CYB5RL: variants seen among roughly 807,000 people sequenced by gnomAD.
CYB5RL encodes the protein cytochrome b5 reductase like.
A neutral mutation model predicts 37.5 loss-of-function variants in CYB5RL; 38 were observed. The observed-to-expected ratio is 1.01, with a 90% CI of 0.78 to 1.33. The LOEUF is 1.33. CYB5RL is among the 40% of genes most tolerant of loss of function. CYB5RL has a pLI of 0.00. For missense variants in CYB5RL, 388 were observed against 394.4 expected (o/e 0.98, Z 0.14); for synonymous variants, 141 against 151.9 (o/e 0.93, Z 0.53).
At chr1:54,199,869 A>T in intron 1 of CYB5RL, 107 bp downstream of exon 1, 1 of 221,496 alleles carries the variant, frequency 4.5e-6, no homozygotes, top group Non-Finnish European at 8.9e-6. Context: ...ACTGGGCCTC[A>T]GAAAGGGAAG....
chr1:54,197,615 G>A (rs1644020868), intron 1 of CYB5RL, among the ~76,000 whole-genome samples: 2 of 152,106 alleles, frequency 1.3e-5, no homozygotes, highest in South Asian at 2.1e-4. Context: ...TGCTACCTAC[G>A]TCTACATGTA....
rs998991229 is a variant in CYB5RL at position 54,173,362 on chromosome 1, G to T, written c.*1257C>A. ...ATCCATCTGGAGCTGTCCTTTCACT[G>T]CTGCTATGCAAAGAACCCTTGCTTC... On this transcript the variant is annotated 3_prime_UTR_variant, in exon 8 of 8. Coordinates refer to ENST00000534324, the MANE Select transcript of CYB5RL (RefSeq NM_001031672.4). 1 of 152,222 alleles carries T rather than the reference G, an allele frequency of 6.6e-6. No individual in the cohort carries two copies. The highest frequency in any genetic ancestry group is 2.4e-5 in the African/African-American group (1 of 41,458). 9.4% of individuals were successfully genotyped at this position (152,222 alleles called of 1,614,324 possible). A position where few individuals can be genotyped will look rare whatever the true frequency, so the allele number is the denominator to read the frequency against.
chr1:54,181,788 C>CA (rs1177504549), intron 6 of CYB5RL, among the ~76,000 whole-genome samples: 1 of 152,070 alleles, frequency 6.6e-6, no homozygotes, highest in Non-Finnish European at 1.5e-5. Context: ...CCTGTGTCTA[C>CA]AAAAAAATAC....
chr1:54,178,982 T>A (rs1660087987), intron 7 of CYB5RL, among the ~76,000 whole-genome samples, 167 bp downstream of exon 7: 1 of 152,216 alleles, frequency 6.6e-6, no homozygotes, highest in Admixed American at 6.5e-5. Context: ...CTCATCTGTA[T>A]AATGAACATG....
At chr1:54,177,477 C>T (rs1660049081) in intron 7 of CYB5RL, among the ~76,000 whole-genome samples, 1 of 152,168 alleles carries the variant, frequency 6.6e-6, no homozygotes, top group Non-Finnish European at 1.5e-5. Context: ...CCCTGCCTGG[C>T]CTCTACCCAC....
In CYB5RL at chr1:54,184,093, C is replaced by A. The variant is rs373580796; in HGVS notation, c.540+68G>T. 8.6e-4 allele frequency: 1,200 copies of A among 1,395,672 alleles called. 19 individuals are homozygous for A. The South Asian group carries it at 0.014, about 17-fold the overall frequency. The allele number at this position is 1,395,672 out of a possible 1,614,324, so 86.5% of individuals were successfully genotyped here. Reference sequence around the variant, plus strand: ...TCAAGGAGAATGGCACAGTGAGATGCTATGGGCCGAAACATGAAAACCACA... The same window carrying A: ...TCAAGGAGAATGGCACAGTGAGATGATATGGGCCGAAACATGAAAACCACA... On this transcript the variant is annotated intron_variant, in intron 6 of 7. Coordinates refer to ENST00000534324, the MANE Select transcript of CYB5RL (RefSeq NM_001031672.4).
At chr1:54,183,813 T>C (rs1660222367) in intron 6 of CYB5RL, among the ~76,000 whole-genome samples, 2 of 151,988 alleles carry the variant, frequency 1.3e-5, no homozygotes, top group Admixed American at 6.6e-5. Flanking sequence ...CTGTATCTAC[T>C]AAAAATACAA....
At position 54,174,562 on chromosome 1, in the gene CYB5RL, T is replaced by G; in HGVS notation, c.*57A>C. On this transcript the variant is annotated 3_prime_UTR_variant, in exon 8 of 8. Transcript: ENST00000534324. ...CGTGTCTTCTGATTCCAGTCTGTGC[T>G]CCTTCCTGGGTCCCAGTAGCAGGCT... 6.5e-7 allele frequency: 1 copy of G among 1,550,326 alleles called. No individual in the cohort carries two copies. Among genetic ancestry groups the G allele is most frequent in the Non-Finnish European group, 8.7e-7 (1 of 1,144,868 alleles).
chr1:54,194,035 A>G (rs1013833050), intron 3 of CYB5RL, among the ~76,000 whole-genome samples: 3 of 148,762 alleles, frequency 2.0e-5, no homozygotes, highest in African/African-American at 7.3e-5. Context: ...TAATGATAAT[A>G]ATAATAATAA....
intron 6 of CYB5RL, among the ~76,000 whole-genome samples, chr1:54,181,998 C>T (rs1388392820): frequency 1.3e-5 from 2 of 152,078 alleles, no homozygotes; most frequent in Non-Finnish European, 2.9e-5. Flanking sequence ...TCAAGTATTC[C>T]GTGCATGTGA....
rs1245697554 is a variant in CYB5RL at position 54,173,510 on chromosome 1, G to C, written c.*1109C>G. On this transcript the variant is annotated 3_prime_UTR_variant, in exon 8 of 8. Coordinates refer to ENST00000534324, the MANE Select transcript of CYB5RL (RefSeq NM_001031672.4). Reference sequence around the variant, plus strand: ...CTGGGCAAGTCATTTAGTCTCACTGGGCTTCAGTTTCCCGTGTATACGATA... The same window carrying C: ...CTGGGCAAGTCATTTAGTCTCACTGCGCTTCAGTTTCCCGTGTATACGATA... The C allele has an allele frequency of 6.6e-6, 1 of 152,156 alleles. No individual in the cohort carries two copies. The highest frequency in any genetic ancestry group is 1.5e-5 in the Non-Finnish European group (1 of 68,038). The allele number at this position is 152,156 out of a possible 1,614,324, so 9.4% of individuals were successfully genotyped here. A position where few individuals can be genotyped will look rare whatever the true frequency, so the allele number is the denominator to read the frequency against.
Position 54,196,471 on chromosome 1 carries a change from C to T in CYB5RL, c.-202G>A, listed in dbSNP as rs1644009074. On this transcript the variant is annotated 5_prime_UTR_variant, in exon 2 of 8. An upstream start codon of the reference 5' UTR is lost. Coordinates refer to ENST00000534324, the MANE Select transcript of CYB5RL (RefSeq NM_001031672.4). Reference sequence around the variant, plus strand: ...TCTCCCAAAGTGCTGAGATTACAGGCATGAGCCACCATGTCTGGCCCTAAA... The same window carrying T: ...TCTCCCAAAGTGCTGAGATTACAGGTATGAGCCACCATGTCTGGCCCTAAA... 1 of 152,154 alleles carries T rather than the reference C, an allele frequency of 6.6e-6. No homozygotes were observed. Among genetic ancestry groups the T allele is most frequent in the Non-Finnish European group, 1.5e-5 (1 of 68,028 alleles). The allele number at this position is 152,154 out of a possible 1,614,324, so 9.4% of individuals were successfully genotyped here.
chr1:54,188,053 G>A (rs532617007), intron 4 of CYB5RL, among the ~76,000 whole-genome samples: 1 of 152,322 alleles, frequency 6.6e-6, no homozygotes, highest in East Asian at 1.9e-4. Context: ...TCCAGCCTGG[G>A]CAAATAGAGC....
chr1:54,180,920 A>C (rs1002283646), intron 6 of CYB5RL, among the ~76,000 whole-genome samples: 2 of 151,924 alleles, frequency 1.3e-5, no homozygotes, highest in Non-Finnish European at 2.9e-5. Flanking sequence ...CAAGACTGAG[A>C]CAGGAGGATC....
intron 6 of CYB5RL, among the ~76,000 whole-genome samples, chr1:54,180,466 T>C (rs1660132506): frequency 6.6e-6 from 1 of 151,770 alleles, no homozygotes; most frequent in South Asian, 2.1e-4. Flanking sequence ...TAGCCAGGCA[T>C]GGTGGGGTGC....
rs1448000207 is a variant in CYB5RL, at chr1:54,173,393, G to A, written c.*1226C>T. On this transcript the variant is annotated 3_prime_UTR_variant, in exon 8 of 8. Transcript: ENST00000534324. ...ATGCAAAGAACCCTTGCTTCCTGTA[G>A]AGCGCAGTTCGAAAATCACTGATGC... 6.6e-5 allele frequency: 10 copies of A among 152,208 alleles called. No individual in the cohort carries two copies. Among genetic ancestry groups the A allele is most frequent in the Admixed American group, 6.5e-4 (10 of 15,270 alleles). The allele number at this position is 152,208 out of a possible 1,614,324, so 9.4% of individuals were successfully genotyped here. A position where few individuals can be genotyped will look rare whatever the true frequency, so the allele number is the denominator to read the frequency against.
In CYB5RL at chr1:54,173,295, G is replaced by A. The variant is rs1345545727; in HGVS notation, c.*1324C>T. 6.6e-6 allele frequency: 1 copy of A among 152,200 alleles called. No homozygotes were observed. Among genetic ancestry groups the A allele is most frequent in the Non-Finnish European group, 1.5e-5 (1 of 68,040 alleles). 9.4% of individuals were successfully genotyped at this position (152,200 alleles called of 1,614,324 possible). A position where few individuals can be genotyped will look rare whatever the true frequency, so the allele number is the denominator to read the frequency against. ...TAATTCAAAACCCCAATATATGAAT[G>A]GGATAAAAATGCAGCTGCTCTGGTT... is the stretch of plus-strand genomic sequence containing the variant. On this transcript the variant is annotated 3_prime_UTR_variant, in exon 8 of 8. Transcript: ENST00000534324.
Position 54,173,594 on chromosome 1 carries a change from A to G in CYB5RL, c.*1025T>C, listed in dbSNP as rs929045892. The G allele has an allele frequency of 6.6e-6, 1 of 152,280 alleles. No homozygotes were observed. Among genetic ancestry groups the G allele is most frequent in the Non-Finnish European group, 1.5e-5 (1 of 68,058 alleles). 9.4% of individuals were successfully genotyped at this position (152,280 alleles called of 1,614,324 possible). ...AACTTTCAGCTTTGATATGGTGAAG[A>G]GTACATTTCTATGACTATAAAAGTC... is the stretch of plus-strand genomic sequence containing the variant. On this transcript the variant is annotated 3_prime_UTR_variant, in exon 8 of 8. Coordinates refer to ENST00000534324, the MANE Select transcript of CYB5RL (RefSeq NM_001031672.4).
At position 54,171,461 on chromosome 1, in the gene CYB5RL, G is replaced by A; in HGVS notation, c.*3158C>T. 2.2e-6 allele frequency: 1 copy of A among 455,962 alleles called. No individual in the cohort carries two copies. Among genetic ancestry groups the A allele is most frequent in the South Asian group, 1.5e-5 (1 of 64,530 alleles). 28.2% of individuals were successfully genotyped at this position (455,962 alleles called of 1,614,324 possible). On this transcript the variant is annotated 3_prime_UTR_variant, in exon 8 of 8. Transcript: ENST00000534324. Reference sequence around the variant, plus strand: ...GGAGGTGGCATGGAGACTGGGAGCTGGGAGACCCATGAGGGGAACACAGAA... The same window carrying A: ...GGAGGTGGCATGGAGACTGGGAGCTAGGAGACCCATGAGGGGAACACAGAA...
Sources: gnomAD v4.1 joint callset for allele counts (sites outside exome capture counted in the v4.1 genomes callset) on GRCh38, gnomAD v4.1.1 for gene constraint, MANE v1.5 for transcripts, NCBI Gene and HGNC (gene_info 2026-07-23, HGNC 2026-07-21) for gene names.